Variants in KCNK10 observed in about 807,000 individuals in gnomAD.
KCNK10 encodes the protein potassium two pore domain channel subfamily K member 10.
In KCNK10, 25 loss-of-function variants were observed where a neutral mutation model predicts 47.7. That is an observed-to-expected ratio of 0.52 (90% CI 0.38 to 0.73). KCNK10 has a LOEUF of 0.73. Among genes scored for constraint, KCNK10 ranks in the 30% least tolerant of loss-of-function variants. The pLI is 0.00. For synonymous variants in KCNK10, 303 were observed against 285.6 expected, an observed-to-expected ratio of 1.06 and a Z score of -0.61; for missense variants, 563 against 714.5, an observed-to-expected ratio of 0.79 and a Z score of 2.42.
chr14:88,279,691 C>T (rs73329809), intron 1 of KCNK10, among the ~76,000 whole-genome samples: 7 of 152,206 alleles, frequency 4.6e-5, no homozygotes, highest in South Asian at 2.1e-4. Flanking sequence ...ACAACCATCC[C>T]CTACCCAACA....
chr14:88,217,154 C>A (rs1397775546), intron 4 of KCNK10, among the ~76,000 whole-genome samples: 1 of 152,142 alleles, frequency 6.6e-6, no homozygotes, highest in African/African-American at 2.4e-5. Flanking sequence ...GAGACTCCGT[C>A]TCAATAAATA....
At chr14:88,267,378 T>C (rs2139758965) in intron 1 of KCNK10, among the ~76,000 whole-genome samples, 1 of 151,624 alleles carries the variant, frequency 6.6e-6, no homozygotes, top group East Asian at 1.9e-4. Context: ...TCTTTTTCTT[T>C]TTTTTTTTTT....
At chr14:88,258,695 C>T (rs1566705425) in intron 2 of KCNK10, among the ~76,000 whole-genome samples, 1 of 152,152 alleles carries the variant, frequency 6.6e-6, no homozygotes, top group Non-Finnish European at 1.5e-5. Context: ...GAATGAATGA[C>T]TAAATGAATG....
intron 1 of KCNK10, among the ~76,000 whole-genome samples, chr14:88,267,367 T>C (rs2139758928): frequency 6.6e-6 from 1 of 150,974 alleles, no homozygotes; most frequent in African/African-American, 2.5e-5. Flanking sequence ...TCTTTTCTTT[T>C]TCTTTTTCTT....
chr14:88,263,035 A>C (rs111255352), intron 2 of KCNK10, among the ~76,000 whole-genome samples, 167 bp downstream of exon 2: 13 of 152,038 alleles, frequency 8.6e-5, no homozygotes, highest in African/African-American at 3.1e-4. Context: ...CACATGCCTC[A>C]CTATCGCTTC....
chr14:88,269,868 G>A (rs1887360443), intron 1 of KCNK10, among the ~76,000 whole-genome samples: 1 of 152,098 alleles, frequency 6.6e-6, no homozygotes, highest in Admixed American at 6.5e-5. Flanking sequence ...AACAAGCAGG[G>A]GCATCCTTGA....
At chr14:88,324,509 T>C (rs1469649747), upstream of KCNK10, among the ~76,000 whole-genome samples, 1 of 152,196 alleles carries the variant, frequency 6.6e-6, no homozygotes, top group East Asian at 1.9e-4. Context: ...TTACTAAAAT[T>C]TGTTGTTCAT....
intron 4 of KCNK10, among the ~76,000 whole-genome samples, chr14:88,217,375 C>T (rs981853581): frequency 6.6e-6 from 1 of 152,172 alleles, no homozygotes; most frequent in African/African-American, 2.4e-5. Flanking sequence ...GCCTACCACT[C>T]TGCCCTCCTC....
upstream of KCNK10, chr14:88,326,826 T>G (rs1888675722): frequency 4.0e-6 from 1 of 251,830 alleles, no homozygotes; most frequent in Non-Finnish European, 7.6e-6. Flanking sequence ...GCAACGAAGT[T>G]TCCCCGAGTT....
intron 1 of KCNK10, among the ~76,000 whole-genome samples, chr14:88,308,969 G>A (rs570976443): frequency 7.9e-5 from 12 of 152,248 alleles, no homozygotes; most frequent in Admixed American, 2.6e-4. Context: ...TGTCAAATGT[G>A]TGCCTGAAAC....
intron 1 of KCNK10, among the ~76,000 whole-genome samples, chr14:88,283,449 A>C (rs568255322): frequency 2.6e-5 from 4 of 152,354 alleles, no homozygotes; most frequent in African/African-American, 9.6e-5. Context: ...TTGAGCCTGA[A>C]GTTAGAATAA....
intron 4 of KCNK10, among the ~76,000 whole-genome samples, chr14:88,224,034 A>G (rs1157269836): frequency 6.8e-6 from 1 of 146,232 alleles, no homozygotes; most frequent in Non-Finnish European, 1.5e-5. Context: ...AAAAAAAAAA[A>G]GAAAATTGTG....
rs1408253149 is a variant in KCNK10, at chr14:88,199,066, C to T, written c.682-6656G>A. ...TCCCGAGTAGCTGAGATTACAGGAG[C>T]GCACCGCCACGCCCAGCTAATGATT... On this transcript the variant is annotated intron_variant, in intron 4 of 6. Transcript: ENST00000319231. 4.6e-5 allele frequency among the ~76,000 whole-genome samples: 7 copies of T among 152,036 alleles called. No individual in the cohort carries two copies. In the East Asian group the frequency reaches 1.4e-3, roughly 30 times the overall value.
At chr14:88,280,371 A>T (rs1190356666) in intron 1 of KCNK10, among the ~76,000 whole-genome samples, 2 of 152,080 alleles carry the variant, frequency 1.3e-5, no homozygotes, top group Non-Finnish European at 2.9e-5. Flanking sequence ...CTTCTGCCTA[A>T]ACACTGGACT....
chr14:88,223,964 T>A (rs1013150591), intron 4 of KCNK10, among the ~76,000 whole-genome samples: 1 of 151,928 alleles, frequency 6.6e-6, no homozygotes, highest in African/African-American at 2.4e-5. Context: ...GCAGATCACC[T>A]GAGGCCAGGA....
chr14:88,240,623 C>G, intron 3 of KCNK10, 80 bp downstream of exon 3: 3 of 877,096 alleles, frequency 3.4e-6, no homozygotes, highest in Non-Finnish European at 5.8e-6. Flanking sequence ...ATAGTGTATG[C>G]TATGAGGACA....
chr14:88,214,482 T>G (rs1483651939), intron 4 of KCNK10, among the ~76,000 whole-genome samples: 1 of 152,202 alleles, frequency 6.6e-6, no homozygotes, highest in Non-Finnish European at 1.5e-5. Context: ...TCAAAACAAG[T>G]CAGCTATTGG....
At chr14:88,192,549 A>G (rs1238381750) in intron 4 of KCNK10, 139 bp from the exon 5 acceptor site, 7 of 687,266 alleles carry the variant, frequency 1.0e-5, no homozygotes, top group Non-Finnish European at 4.8e-6. Flanking sequence ...AATTTGATGA[A>G]CGCTGTGAAC....
chr14:88,228,141 T>G (rs1886045982), intron 3 of KCNK10, among the ~76,000 whole-genome samples: 3 of 78,214 alleles, frequency 3.8e-5, no homozygotes, highest in Admixed American at 2.0e-4. Flanking sequence ...CCCCATCTGG[T>G]TTTTTTCTCT....
Sources: allele counts gnomAD v4.1 joint callset (sites outside exome capture counted in the v4.1 genomes callset), GRCh38; gene constraint gnomAD v4.1.1; transcripts MANE v1.5; gene names NCBI Gene and HGNC (gene_info 2026-07-23, HGNC 2026-07-21).